DRC8: variants seen among roughly 807,000 people sequenced by gnomAD.
The protein encoded by DRC8 is dynein regulatory complex protein 8.
At chr1:245,096,667 A>G in the DRC8 span, among the ~76,000 whole-genome samples, 1 of 152,258 alleles carries the variant, frequency 6.6e-6, no homozygotes, top group Non-Finnish European at 1.5e-5. Flanking sequence ...AGAGGACTTC[A>G]TAGAGGAAGT....
the DRC8 span, among the ~76,000 whole-genome samples, chr1:244,985,840 G>A: frequency 6.9e-6 from 1 of 145,084 alleles, no homozygotes; most frequent in Non-Finnish European, 1.5e-5. Context: ...CTCCAGCCTG[G>A]GCAACAGAGG....
the DRC8 span, among the ~76,000 whole-genome samples, chr1:244,975,531 T>C: frequency 1.3e-5 from 2 of 152,332 alleles, no homozygotes; most frequent in South Asian, 2.1e-4. Context: ...TGTTTTCTTA[T>C]TCATTTTTAC....
chr1:245,030,976 T>G, the DRC8 span: 1 of 152,284 alleles, frequency 6.6e-6, no homozygotes, highest in African/African-American at 2.4e-5. Flanking sequence ...GGTTCAAGTA[T>G]CTGTGCCTAG....
the DRC8 span, among the ~76,000 whole-genome samples, chr1:244,985,135 A>G: frequency 7.2e-6 from 1 of 138,120 alleles, no homozygotes; most frequent in Non-Finnish European, 1.5e-5. Context: ...CACGCATTCT[A>G]CACTTCATTA....
chr1:244,989,613 G>GGTA, the DRC8 span, among the ~76,000 whole-genome samples: 1 of 152,140 alleles, frequency 6.6e-6, no homozygotes, highest in Non-Finnish European at 1.5e-5. Context: ...GCCTGGCTGA[G>GGTA]GTAGTGTTTG....
the DRC8 span, chr1:245,124,658 T>C: frequency 3.3e-5 from 5 of 152,192 alleles, no homozygotes; most frequent in Non-Finnish European, 7.3e-5. Flanking sequence ...TCTCTGACAT[T>C]AGAATCATAA....
chr1:245,000,897 C>A, the DRC8 span, among the ~76,000 whole-genome samples: 2 of 151,818 alleles, frequency 1.3e-5, no homozygotes, highest in Non-Finnish European at 2.9e-5. Context: ...AGGATAGGTA[C>A]TTGGCCCTCC....
chr1:245,117,489 A>G, the DRC8 span, among the ~76,000 whole-genome samples: 1 of 151,846 alleles, frequency 6.6e-6, no homozygotes, highest in Non-Finnish European at 1.5e-5. Flanking sequence ...CAGTGGTGCA[A>G]TCTTGACTCA....
the DRC8 span, among the ~76,000 whole-genome samples, chr1:245,113,400 C>CA: frequency 6.6e-6 from 1 of 152,184 alleles, no homozygotes; most frequent in Non-Finnish European, 1.5e-5. Context: ...ACTATATCGT[C>CA]ACGTTACTCT....
the DRC8 span, among the ~76,000 whole-genome samples, chr1:245,072,234 T>A: frequency 6.6e-6 from 1 of 152,234 alleles, no homozygotes; most frequent in Non-Finnish European, 1.5e-5. Flanking sequence ...TGGAATATTA[T>A]TCAGCACTAA....
At chr1:245,037,034 A>G in the DRC8 span, among the ~76,000 whole-genome samples, 1 of 152,242 alleles carries the variant, frequency 6.6e-6, no homozygotes, top group African/African-American at 2.4e-5. Context: ...CAATTTACAT[A>G]GAATCATTAG....
the DRC8 span, among the ~76,000 whole-genome samples, chr1:244,993,306 C>T: frequency 8.5e-5 from 13 of 152,208 alleles, no homozygotes; most frequent in Non-Finnish European, 1.6e-4. Flanking sequence ...TCACGTTTCT[C>T]GCACATGTAG....
At chr1:245,033,625 T>C in the DRC8 span, among the ~76,000 whole-genome samples, 1 of 152,236 alleles carries the variant, frequency 6.6e-6, no homozygotes, top group African/African-American at 2.4e-5. Flanking sequence ...TCCCATCCTG[T>C]TCAAACTGTT....
the DRC8 span, among the ~76,000 whole-genome samples, chr1:245,004,424 T>C: frequency 1.0e-4 from 2 of 19,080 alleles, no homozygotes; most frequent in Admixed American, 1.1e-3. Context: ...AGAATGATAC[T>C]TTTTTTTTTT....
At chr1:245,005,594 C>T in the DRC8 span, among the ~76,000 whole-genome samples, 3 of 152,066 alleles carry the variant, frequency 2.0e-5, no homozygotes, top group Admixed American at 6.6e-5. Flanking sequence ...CTGCCTGCCT[C>T]GGCCTCCCAA....
At chr1:244,997,931 A>G in the DRC8 span, among the ~76,000 whole-genome samples, 2 of 150,434 alleles carry the variant, frequency 1.3e-5, no homozygotes, top group Admixed American at 6.7e-5. Context: ...CTTGTTTATC[A>G]AAGACTTTGG....
chr1:244,979,459 C>A, the DRC8 span, among the ~76,000 whole-genome samples: 1 of 151,832 alleles, frequency 6.6e-6, no homozygotes, highest in African/African-American at 2.4e-5. Flanking sequence ...ACATGTGCCA[C>A]CATGCTGGGC....
chr1:245,087,114 T>C, the DRC8 span: 20 of 1,354,390 alleles, frequency 1.5e-5, no homozygotes, highest in East Asian at 5.0e-4. Flanking sequence ...GTCCTGGCTC[T>C]ACAGCTCCAG....
chr1:245,097,711 G>T, the DRC8 span, among the ~76,000 whole-genome samples: 1 of 152,124 alleles, frequency 6.6e-6, no homozygotes, highest in East Asian at 1.9e-4. The surrounding 1 kb of genome is among the most constrained non-coding windows in gnomAD (Gnocchi z 5.0). Context: ...GAGTGATGGG[G>T]TACTGTCCTA....
Sources: gnomAD v4.1 joint callset for allele counts (sites outside exome capture counted in the v4.1 genomes callset) on GRCh38, gnomAD v4.1.1 for gene constraint, Gnocchi (gnomAD v3.1) non-coding constraint, MANE v1.5 for transcripts, NCBI Gene and HGNC (gene_info 2026-07-23, HGNC 2026-07-21) for gene names.